Variants in DMAC2L observed in about 807,000 individuals in gnomAD.
The protein encoded by DMAC2L is ATP synthase subunit s, mitochondrial.
Under a neutral mutation model 22.5 loss-of-function variants are expected in DMAC2L, and 21 were observed. The ratio of observed to expected loss-of-function variants is 0.93; its 90% CI spans 0.66 to 1.34. The LOEUF (loss-of-function observed/expected upper bound fraction) is 1.34. Ranked by LOEUF, DMAC2L falls within the 40% of genes most tolerant of loss-of-function variation. DMAC2L has a pLI of 0.00. For synonymous variants in DMAC2L, 86 were observed against 89.5 expected (o/e 0.96, Z 0.22); for missense variants, 239 against 246.5 (o/e 0.97, Z 0.20).
intron 2 of DMAC2L, chr14:50,318,855 C>A: frequency 5.1e-6 from 1 of 195,000 alleles, no homozygotes; most frequent in Non-Finnish European, 9.3e-6. Context: ...TGTTATTTAT[C>A]TCTTTATATG....
At chr14:50,314,949 T>C (rs1223920703) in intron 2 of DMAC2L, among the ~76,000 whole-genome samples, 2 of 151,392 alleles carry the variant, frequency 1.3e-5, no homozygotes, top group East Asian at 3.9e-4. Flanking sequence ...GCCTATTGTA[T>C]CATTCTTTTT....
intron 2 of DMAC2L, among the ~76,000 whole-genome samples, chr14:50,317,428 T>C (rs2031898818): frequency 6.6e-6 from 1 of 152,164 alleles, no homozygotes; most frequent in African/African-American, 2.4e-5. Flanking sequence ...TTCTTTCTCT[T>C]GTCTGATTGC....
intron 2 of DMAC2L, among the ~76,000 whole-genome samples, chr14:50,316,262 T>G (rs1044989528): frequency 6.6e-6 from 1 of 152,196 alleles, no homozygotes; most frequent in East Asian, 1.9e-4. Context: ...ATTGTTTTTT[T>G]CTGCTAATTT....
At chr14:50,312,134 C>T, upstream of DMAC2L, 3 of 1,610,422 alleles carry the variant, frequency 1.9e-6, no homozygotes, top group Non-Finnish European at 2.5e-6. Context: ...AACCAAATAA[C>T]GCAGCGCTGG....
chr14:50,312,810 C>T (rs577341581), intron 1 of DMAC2L: 10 of 571,330 alleles, frequency 1.8e-5, no homozygotes, highest in South Asian at 1.7e-4. Context: ...TTTGTCACAG[C>T]GAAGACTGAC....
Position 50,326,491 on chromosome 14 carries a change from G to C in DMAC2L, c.*768G>C. On this transcript the variant is annotated 3_prime_UTR_variant, in exon 6 of 6. Transcript: ENST00000557421. ...AGTCAATTATGCAAAGTGGTCAGTG[G>C]TTGTTGAAGCATGCATTGCTTCAAC... 1.0e-6 allele frequency: 1 copy of C among 985,356 alleles called. No individual in the cohort carries two copies. Among genetic ancestry groups the C allele is most frequent in the Non-Finnish European group, 1.2e-6 (1 of 829,890 alleles). 61.0% of individuals were successfully genotyped at this position (985,356 alleles called of 1,614,324 possible). A position where few individuals can be genotyped will look rare whatever the true frequency, so the allele number is the denominator to read the frequency against.
rs887251780 is a variant in DMAC2L at position 50,323,991 on chromosome 14, T to C, written c.363T>C (p.Tyr121=). Residue 121 remains tyrosine (Y), a synonymous_variant, in exon 5 of 6, where the codon TAT becomes TAC. Coordinates refer to ENST00000557421, the MANE Select transcript of DMAC2L (RefSeq NM_001382507.1). ...VEKIRLCKCH[Y]IEDDCLLRLS... is the part of the protein sequence containing the mutation. ...AAATAAGGCTGTGCAAGTGTCATTA[T>C]ATCGAGGATGACTGTTTGCTGAGAC... The C allele has an allele frequency of 6.2e-7, 1 of 1,613,958 alleles. No homozygotes were observed. The highest frequency in any genetic ancestry group is 1.1e-5 in the South Asian group (1 of 91,024).
In DMAC2L at chr14:50,318,412, T is replaced by A. The variant is rs7152491; in HGVS notation, c.-5-3071T>A. 2.6e-5 allele frequency among the ~76,000 whole-genome samples: 4 copies of A among 152,044 alleles called. No homozygotes were observed. In the East Asian group the frequency reaches 5.8e-4, roughly 22 times the overall value. ...TCTTGTGTTTTTAGAGATTACAGCC[T>A]AAGTAAATTTGGCCTTTCGTTTAAG... On this transcript the variant is annotated intron_variant, in intron 2 of 5. Coordinates refer to ENST00000557421, the MANE Select transcript of DMAC2L (RefSeq NM_001382507.1).
rs1330098390 is a variant in DMAC2L, at chr14:50,327,080, C to G, written c.*1357C>G. On this transcript the variant is annotated 3_prime_UTR_variant, in exon 6 of 6. Coordinates refer to ENST00000557421, the MANE Select transcript of DMAC2L (RefSeq NM_001382507.1). ...AAAAAGGGCTGGCCTGTAATCCCAG[C>G]ACTTTTGAAGGCCAAGGCAGGCAGA... 1 of 152,022 alleles carries G rather than the reference C, an allele frequency of 6.6e-6. No individual in the cohort carries two copies. Among genetic ancestry groups the G allele is most frequent in the Non-Finnish European group, 1.5e-5 (1 of 68,058 alleles). 9.4% of individuals were successfully genotyped at this position (152,022 alleles called of 1,614,324 possible).
At chr14:50,320,691 C>T (rs1488475090) in intron 2 of DMAC2L, among the ~76,000 whole-genome samples, 1 of 152,148 alleles carries the variant, frequency 6.6e-6, no homozygotes, top group Non-Finnish European at 1.5e-5. Context: ...CCACTCCATC[C>T]TGCATTAAAT....
At position 50,321,412 on chromosome 14, in the gene DMAC2L, C is replaced by T. The variant is rs866828921; in HGVS notation, c.-5-71C>T. The T allele has an allele frequency of 4.9e-5, 78 of 1,582,314 alleles. No individual in the cohort carries two copies. The African/African-American group carries it at 9.0e-4, about 18-fold the overall frequency. On this transcript the variant is annotated intron_variant, in intron 2 of 5. Transcript: ENST00000557421. ...AGCTTTATCAGTACAAGAGCATTGA[C>T]TCTGAAGTAAGTTGCTATATGTATG... is the stretch of plus-strand genomic sequence containing the variant.
At chr14:50,311,792 C>A (rs2031215508), upstream of DMAC2L, among the ~76,000 whole-genome samples, 1 of 152,206 alleles carries the variant, frequency 6.6e-6, no homozygotes, top group Admixed American at 6.5e-5. Flanking sequence ...CAGAGCTACT[C>A]CCGACCTCTA....
chr14:50,324,213 T>G, intron 5 of DMAC2L, 97 bp downstream of exon 5: 1 of 1,290,418 alleles, frequency 7.7e-7, no homozygotes, highest in Non-Finnish European at 1.0e-6. Context: ...TTTTTAGTTC[T>G]AAAAAAGATA....
At chr14:50,313,128 C>A in intron 1 of DMAC2L, 1 of 1,297,882 alleles carries the variant, frequency 7.7e-7, no homozygotes, top group Non-Finnish European at 1.1e-6. Context: ...AAAGGACCTT[C>A]TAACTCTTTA....
rs1412445239 is a variant in DMAC2L at position 50,327,527 on chromosome 14, G to A, written c.*1804G>A. On this transcript the variant is annotated 3_prime_UTR_variant, in exon 6 of 6. Transcript: ENST00000557421. Reference sequence around the variant, plus strand: ...GTTGCCCAGGTTGGAGTGCAGTGGTGTGATCTCAGTTCACTGCAACCTCTG... The same window carrying A: ...GTTGCCCAGGTTGGAGTGCAGTGGTATGATCTCAGTTCACTGCAACCTCTG... 1.4e-5 allele frequency: 2 copies of A among 138,958 alleles called. No homozygotes were observed. Among genetic ancestry groups the A allele is most frequent in the East Asian group, 2.2e-4 (1 of 4,554 alleles). The allele number at this position is 138,958 out of a possible 1,614,324, so 8.6% of individuals were successfully genotyped here.
At chr14:50,321,226 A>G (rs1240666940) in intron 2 of DMAC2L, 2 of 348,000 alleles carry the variant, frequency 5.7e-6, no homozygotes, top group Admixed American at 5.1e-5. Flanking sequence ...GGCAGACTCC[A>G]ATTGAGGTTT....
chr14:50,321,694 A>G (rs2032291381), intron 3 of DMAC2L, 100 bp downstream of exon 3: 1 of 773,644 alleles, frequency 1.3e-6, no homozygotes, highest in South Asian at 2.0e-5. Flanking sequence ...CAGTTTGTGC[A>G]GTGTGATCCT....
At chr14:50,315,662 CAAAAAAAAAA>C (rs142527130) in intron 2 of DMAC2L, among the ~76,000 whole-genome samples, 7 of 81,558 alleles carry the variant, frequency 8.6e-5, no homozygotes, top group African/African-American at 2.4e-4. Context: ...TTCTGTTTCA[CAAAAAAAAAA>C]AAAAAAAAAA....
chr14:50,322,382 T>TAATA (rs1555336366), intron 3 of DMAC2L, 129 bp from the exon 4 acceptor site: 3 of 925,742 alleles, frequency 3.2e-6, no homozygotes, highest in South Asian at 2.6e-5. Context: ...TGGATCTCAC[T>TAATA]AATTTATCTT....
Sources: gnomAD v4.1 joint callset for allele counts (sites outside exome capture counted in the v4.1 genomes callset) on GRCh38, gnomAD v4.1.1 for gene constraint, MANE v1.5 for transcripts, NCBI Gene and HGNC (gene_info 2026-07-23, HGNC 2026-07-21) for gene names.